ARMC12: variants seen among roughly 807,000 people sequenced by gnomAD.
ARMC12 encodes the protein armadillo repeat containing 12.
A neutral mutation model predicts 37.4 loss-of-function variants in ARMC12; 25 were observed. The observed-to-expected ratio is 0.67, with a 90% CI of 0.49 to 0.93. ARMC12 has a LOEUF of 0.93. Among genes scored for constraint, ARMC12 ranks in the 40% least tolerant of loss-of-function variants. ARMC12 has a pLI of 0.00. For synonymous variants in ARMC12, 167 were observed against 176.1 expected, an observed-to-expected ratio of 0.95 and a Z score of 0.41; for missense variants, 384 against 426.6, an observed-to-expected ratio of 0.90 and a Z score of 0.88.
intron 1 of ARMC12, 73 bp from the exon 2 acceptor site, chr6:35,737,954 C>A (rs1417304791): frequency 1.9e-6 from 3 of 1,597,706 alleles, no homozygotes; most frequent in African/African-American, 2.7e-5. Flanking sequence ...AAGTCCCTGT[C>A]CCCTACTTCC....
upstream of ARMC12, among the ~76,000 whole-genome samples, chr6:35,736,372 C>T (rs185868521): frequency 1.3e-5 from 2 of 152,200 alleles, no homozygotes; most frequent in East Asian, 1.9e-4. Flanking sequence ...TGGGAGGGCC[C>T]GGAAAGAAAA....
chr6:35,747,749 T>C lies in ARMC12; in HGVS notation c.690+102T>C, dbSNP rs890633312. 3 of 1,240,842 alleles carry C rather than the reference T, an allele frequency of 2.4e-6. No homozygotes were observed. In the African/African-American group the frequency reaches 4.5e-5, roughly 18 times the overall value. The allele number at this position is 1,240,842 out of a possible 1,614,324, so 76.9% of individuals were successfully genotyped here. On this transcript the variant is annotated intron_variant, in intron 5 of 5. Transcript: ENST00000373866. ...ACAGATTTACCCCTGATGAATTGTT[T>C]TAGTATCTTCCTGCCTCTGCACTAA...
At chr6:35,741,137 C>G (rs1273607744) in intron 3 of ARMC12, among the ~76,000 whole-genome samples, 1 of 152,096 alleles carries the variant, frequency 6.6e-6, no homozygotes. Context: ...TTTCACCGCT[C>G]TGTGGTGGTC....
chr6:35,742,461 C>T (rs1767200601), intron 3 of ARMC12, among the ~76,000 whole-genome samples: 1 of 141,592 alleles, frequency 7.1e-6, no homozygotes, highest in Non-Finnish European at 1.5e-5. Context: ...CACGCCACTG[C>T]ACTCCAGCCT....
chr6:35,741,198 T>G (rs556987625), intron 3 of ARMC12, among the ~76,000 whole-genome samples: 81 of 152,294 alleles, frequency 5.3e-4, no homozygotes, highest in African/African-American at 1.9e-3. Flanking sequence ...TTGCATTGTT[T>G]CCAGGTGCTT....
At position 35,748,817 on chromosome 6, in the gene ARMC12, G is replaced by T. The variant is rs1485023224; in HGVS notation, c.970G>T (p.Ala324Ser). 6.2e-7 allele frequency: 1 copy of T among 1,614,018 alleles called. No homozygotes were observed. Among genetic ancestry groups the T allele is most frequent in the South Asian group, 1.1e-5 (1 of 91,066 alleles). ...VSLQYPQDLR[A>S]RPSSCQPSRS... ...CCTGCAGTATCCCCAGGACTTGAGA[G>T]CCCGGCCCTCCTCCTGCCAGCCCAG... The change falls in exon 6 of 6, where the codon GCC becomes TCC. Residue 324 changes from alanine (A) to serine (S), a missense_variant. Transcript: ENST00000373866.
intron 3 of ARMC12, among the ~76,000 whole-genome samples, chr6:35,744,382 C>T (rs948102928): frequency 1.3e-5 from 2 of 152,166 alleles, no homozygotes; most frequent in Middle Eastern, 3.4e-3. Context: ...CCTCTTGATC[C>T]GCCCACCTCG....
chr6:35,739,757 A>G (rs1349151507), intron 3 of ARMC12, among the ~76,000 whole-genome samples: 2 of 152,228 alleles, frequency 1.3e-5, no homozygotes, highest in African/African-American at 4.8e-5. Context: ...GAGGCCTGCC[A>G]CAAGCTCACT....
At chr6:35,745,146 A>G (rs111517175) in intron 3 of ARMC12, among the ~76,000 whole-genome samples, 2 of 152,228 alleles carry the variant, frequency 1.3e-5, no homozygotes, top group African/African-American at 2.4e-5. Flanking sequence ...ATGAAAACTT[A>G]TATCTGCACA....
intron 3 of ARMC12, among the ~76,000 whole-genome samples, chr6:35,747,052 G>T (rs1767357987): frequency 2.0e-5 from 1 of 49,418 alleles, no homozygotes; most frequent in Non-Finnish European, 3.5e-5. Context: ...TAGGAAAGAA[G>T]TCTGTAAAAA....
intron 3 of ARMC12, among the ~76,000 whole-genome samples, chr6:35,741,594 T>C (rs1767170781): frequency 6.6e-6 from 1 of 152,080 alleles, no homozygotes; most frequent in African/African-American, 2.4e-5. Flanking sequence ...AATTTTTTTG[T>C]ATTTTAGTAA....
rs11365534 is a variant in ARMC12, at chr6:35,740,897, G to GTTTTTTTT, written c.444+2392_444+2399dup. Among the ~76,000 whole-genome samples the GTTTTTTTT allele has an allele frequency of 6.0e-5, 7 of 116,384 alleles. No homozygotes were observed. In the East Asian group the frequency reaches 1.2e-3, roughly 19 times the overall value. 76.4% of individuals were successfully genotyped at this position (116,384 alleles called of 152,430 possible). A position where few individuals can be genotyped will look rare whatever the true frequency, so the allele number is the denominator to read the frequency against. The stretch of plus-strand genomic sequence containing the variant: ...TATTGGGCAGCTCTGCTTCCTTCTG[G>GTTTTTTTT]TTTTTTTTTTTTTTTTTTTTGAGAC... On this transcript the variant is annotated intron_variant, in intron 3 of 5. Coordinates refer to ENST00000373866, the MANE Select transcript of ARMC12 (RefSeq NM_001286574.2).
chr6:35,747,272 C>G lies in ARMC12; in HGVS notation c.456C>G (p.Ile152Met). ...KFRLKIQEHSIKVLELISTIW... is the reference protein window; with the variant it reads ...KFRLKIQEHSMKVLELISTIW... ...CTCCCCCACTCCAGGAACACTCCAT[C>G]AAAGTACTCGAACTGATCTCCACCA... The change falls in exon 4 of 6, where the codon ATC (isoleucine) becomes ATG (methionine). Residue 152 changes from isoleucine (I) to methionine (M), a missense_variant. Coordinates refer to ENST00000373866, the MANE Select transcript of ARMC12 (RefSeq NM_001286574.2). 1 of 1,612,028 alleles carries G rather than the reference C, an allele frequency of 6.2e-7. No individual in the cohort carries two copies. The highest frequency in any genetic ancestry group is 8.5e-7 in the Non-Finnish European group (1 of 1,179,688).
Position 35,748,866 on chromosome 6 carries a change from A to T in ARMC12, c.1019A>T (p.Glu340Val), listed in dbSNP as rs751708881. The change falls in exon 6 of 6, where the codon GAA becomes GTA. Residue 340 changes from glutamate to valine, a missense_variant. Physicochemically the swap from Glu to Val is moderately radical, Grantham distance 121 (BLOSUM62 -2). Coordinates refer to ENST00000373866, the MANE Select transcript of ARMC12 (RefSeq NM_001286574.2). ...QPSRSYFKNTE is the reference protein window; with the variant it reads ...QPSRSYFKNTV ...AGTCGTTCCTACTTTAAAAACACGG[A>T]ATAAAATTAAGGAGAGCCAATAAAT... is the stretch of plus-strand genomic sequence containing the variant. 5.6e-6 allele frequency: 9 copies of T among 1,607,676 alleles called. No homozygotes were observed. The African/African-American group carries it at 1.1e-4, about 19-fold the overall frequency.
chr6:35,739,681 T>C (rs1030710248), intron 3 of ARMC12, among the ~76,000 whole-genome samples: 5 of 152,232 alleles, frequency 3.3e-5, no homozygotes, highest in Admixed American at 2.0e-4. Flanking sequence ...TTCCAGCCTT[T>C]GTATAAGGGC....
intron 1 of ARMC12, among the ~76,000 whole-genome samples, chr6:35,737,782 C>T (rs140561957): frequency 6.6e-6 from 1 of 152,312 alleles, no homozygotes; most frequent in East Asian, 1.9e-4. Context: ...CGCCATATGC[C>T]AGACAGTTGT....
chr6:35,748,186 G>A (rs186274110), intron 5 of ARMC12, among the ~76,000 whole-genome samples: 15 of 152,268 alleles, frequency 9.9e-5, no homozygotes, highest in African/African-American at 2.9e-4. Context: ...TACTCTTAGT[G>A]AATAACACAA....
At chr6:35,747,493 G>C (rs565618922) in intron 4 of ARMC12, 59 bp downstream of exon 4, 1 of 1,612,354 alleles carries the variant, frequency 6.2e-7, no homozygotes, top group African/African-American at 1.3e-5. Context: ...ACAGTACTTA[G>C]AGGGAGGAGC....
At chr6:35,737,629 C>T (rs1767010495) in intron 1 of ARMC12, among the ~76,000 whole-genome samples, 1 of 152,226 alleles carries the variant, frequency 6.6e-6, no homozygotes, top group African/African-American at 2.4e-5. Flanking sequence ...GATTGGAGGA[C>T]TTACTATATG....
Sources: gnomAD v4.1 joint callset for allele counts (sites outside exome capture counted in the v4.1 genomes callset) on GRCh38, gnomAD v4.1.1 for gene constraint, MANE v1.5 for transcripts, NCBI Gene and HGNC (gene_info 2026-07-23, HGNC 2026-07-21) for gene names.